IFFO2: variants seen among roughly 807,000 people sequenced by gnomAD.
IFFO2 encodes the protein intermediate filament family orphan 2.
IFFO2 carries 19 observed loss-of-function variants against 53.5 expected under a neutral mutation model. The ratio of observed to expected loss-of-function variants is 0.36; its 90% CI spans 0.25 to 0.52. IFFO2 has a LOEUF of 0.52. Ranked by LOEUF, IFFO2 falls within the 20% of genes least tolerant of loss-of-function variation. IFFO2 has a pLI of 0.94. For synonymous variants in IFFO2, 303 were observed against 313.6 expected (o/e 0.97, Z 0.36); for missense variants, 570 against 727.4 (o/e 0.78, Z 2.49).
At chr1:18,948,157 C>T (rs1936613574) in intron 1 of IFFO2, among the ~76,000 whole-genome samples, 1 of 152,248 alleles carries the variant, frequency 6.6e-6, no homozygotes, top group Non-Finnish European at 1.5e-5. Context: ...TAAACGGAAG[C>T]ATTAAGCCAT....
At chr1:18,910,320 C>G in intron 8 of IFFO2, 22 bp downstream of exon 8, 3 of 1,587,500 alleles carry the variant, frequency 1.9e-6, no homozygotes, top group Non-Finnish European at 2.6e-6. Context: ...TAGCTGAATC[C>G]CCTGGGAGGA....
At chr1:18,915,386 CTCTG>C (rs771511493) in intron 5 of IFFO2, among the ~76,000 whole-genome samples, 1 of 151,914 alleles carries the variant, frequency 6.6e-6, no homozygotes, top group Non-Finnish European at 1.5e-5. Context: ...TGATTGGTAG[CTCTG>C]ATTTCCTGCA....
At chr1:18,949,359 C>T (rs906124337) in intron 1 of IFFO2, among the ~76,000 whole-genome samples, 8 of 152,204 alleles carry the variant, frequency 5.3e-5, no homozygotes, top group African/African-American at 1.7e-4. Context: ...GTTACAACTC[C>T]GGGTGTGGGG....
chr1:18,954,067 G>C (rs1936692329), intron 1 of IFFO2, among the ~76,000 whole-genome samples: 1 of 152,216 alleles, frequency 6.6e-6, no homozygotes, highest in Non-Finnish European at 1.5e-5. Context: ...TGGCCTCCCT[G>C]TGGCAAGGCA....
At position 18,919,602 on chromosome 1, in the gene IFFO2, C is replaced by A; in HGVS notation, c.822+76G>T. The A allele has an allele frequency of 1.0e-6, 1 of 997,012 alleles. No individual in the cohort carries two copies. Among genetic ancestry groups the A allele is most frequent in the Non-Finnish European group, 1.6e-6 (1 of 642,356 alleles). The allele number at this position is 997,012 out of a possible 1,614,324, so 61.8% of individuals were successfully genotyped here. ...CTAACTAGAAGCCGAGCCCCGGAGCCTCGGAGGGAATGAAGCATTTTGCAT... is the reference window on the plus strand; with the variant it reads ...CTAACTAGAAGCCGAGCCCCGGAGCATCGGAGGGAATGAAGCATTTTGCAT... On this transcript the variant is annotated intron_variant, in intron 3 of 8. Transcript: ENST00000455833. The surrounding 1 kb of genome is among the most constrained non-coding windows in gnomAD (Gnocchi z 4.9).
rs1936446846 is a variant in IFFO2 at position 18,936,337 on chromosome 1, G to T, written c.666-15216C>A. 6.6e-6 allele frequency among the ~76,000 whole-genome samples: 1 copy of T among 152,170 alleles called. No homozygotes were observed. On this transcript the variant is annotated intron_variant, in intron 1 of 8. Transcript: ENST00000455833. This position sits in a 1 kb window ranked among gnomAD's most constrained non-coding sequence, Gnocchi z 4.5. ...GATGATGGGAAAGTTGGTGTCCACG[G>T]CTCTCCATCCCTGGGACATTGTCTT... is the stretch of plus-strand genomic sequence containing the variant.
Position 18,955,926 on chromosome 1 carries a change from T to C in IFFO2, c.407A>G (p.Asn136Ser). Reference sequence around the variant, plus strand: ...GGGCAGGCCGCCCAGGGCCACGGCATTGGCGTTGGCGCCGGCCGCCGCGCC... The same window carrying C: ...GGGCAGGCCGCCCAGGGCCACGGCACTGGCGTTGGCGCCGGCCGCCGCGCC... ...SSGAAAGANA[N>S]AVALGGLPPG... Residue 136 changes from asparagine to serine, a missense_variant, in exon 1 of 9, where the codon AAT (asparagine) becomes AGT (serine). Coordinates refer to ENST00000455833, the MANE Select transcript of IFFO2 (RefSeq NM_001136265.2). The C allele has an allele frequency of 7.8e-7, 1 of 1,281,982 alleles. No homozygotes were observed. Among genetic ancestry groups the C allele is most frequent in the Non-Finnish European group, 9.8e-7 (1 of 1,021,154 alleles). The allele number at this position is 1,281,982 out of a possible 1,614,324, so 79.4% of individuals were successfully genotyped here. A position where few individuals can be genotyped will look rare whatever the true frequency, so the allele number is the denominator to read the frequency against.
At chr1:18,945,846 C>T (rs566553168) in intron 1 of IFFO2, among the ~76,000 whole-genome samples, 6 of 152,344 alleles carry the variant, frequency 3.9e-5, no homozygotes, top group South Asian at 2.1e-4. Flanking sequence ...TTGCCATCCA[C>T]GCAACATGAC....
intron 5 of IFFO2, among the ~76,000 whole-genome samples, chr1:18,912,971 C>T (rs1936063065): frequency 6.6e-6 from 1 of 152,200 alleles, no homozygotes; most frequent in Non-Finnish European, 1.5e-5. Context: ...ATCCAACATA[C>T]CCCTATTTCC....
At position 18,916,489 on chromosome 1, in the gene IFFO2, T is replaced by C. The variant is rs1936134433; in HGVS notation, c.1103+414A>G. 6.6e-6 allele frequency among the ~76,000 whole-genome samples: 1 copy of C among 152,002 alleles called. No individual in the cohort carries two copies. Among genetic ancestry groups the C allele is most frequent in the Non-Finnish European group, 1.5e-5 (1 of 67,980 alleles). On this transcript the variant is annotated intron_variant, in intron 5 of 8. Transcript: ENST00000455833. This position sits in a 1 kb window ranked among gnomAD's most constrained non-coding sequence, Gnocchi z 4.3. ...AAATGTTGAAAATGAGTCTTGGCTG[T>C]GTGCAGTGGTTCACGCCTGTAATCC... is the stretch of plus-strand genomic sequence containing the variant.
intron 8 of IFFO2, 122 bp from the exon 9 acceptor site, chr1:18,908,788 G>T: frequency 1.4e-6 from 1 of 703,302 alleles, no homozygotes; most frequent in Non-Finnish European, 2.5e-6. Flanking sequence ...CTGGTCCTGA[G>T]CTCCTGCCTC....
intron 1 of IFFO2, among the ~76,000 whole-genome samples, chr1:18,952,735 T>A (rs1569870646): frequency 6.6e-6 from 1 of 152,176 alleles, no homozygotes; most frequent in South Asian, 2.1e-4. Context: ...ACATGAAGGA[T>A]CTTTTTGGGG....
intron 1 of IFFO2, among the ~76,000 whole-genome samples, chr1:18,950,047 T>C (rs1936640007): frequency 1.3e-5 from 2 of 152,216 alleles, no homozygotes; most frequent in Non-Finnish European, 2.9e-5. Context: ...TTCTGTAATA[T>C]AGTTCTCAAG....
intron 1 of IFFO2, among the ~76,000 whole-genome samples, chr1:18,948,058 T>A: frequency 6.6e-6 from 1 of 152,238 alleles, no homozygotes; most frequent in South Asian, 2.1e-4. Flanking sequence ...AAAATGAGCA[T>A]AATCACTTCC....
intron 5 of IFFO2, among the ~76,000 whole-genome samples, chr1:18,913,950 G>GCCTC (rs1936089949): frequency 6.6e-6 from 1 of 152,154 alleles, no homozygotes; most frequent in African/African-American, 2.4e-5. Context: ...TCCTGCCTCA[G>GCCTC]CCTCCTGCGT....
chr1:18,915,442 G>C (rs1308033003), intron 5 of IFFO2, among the ~76,000 whole-genome samples: 1 of 152,084 alleles, frequency 6.6e-6, no homozygotes, highest in East Asian at 1.9e-4. Context: ...ACTGAGCCTG[G>C]AGTGGGTATA....
intron 1 of IFFO2, among the ~76,000 whole-genome samples, chr1:18,939,061 T>C (rs533941604): frequency 5.0e-4 from 76 of 152,192 alleles, no homozygotes; most frequent in African/African-American, 1.8e-3. Flanking sequence ...TCCTCTCCCC[T>C]TGGAGGTGAG....
chr1:18,940,053 C>T (rs1310789741), intron 1 of IFFO2, among the ~76,000 whole-genome samples: 1 of 152,226 alleles, frequency 6.6e-6, no homozygotes, highest in Non-Finnish European at 1.5e-5. Context: ...AGCCAACCTG[C>T]TGTTCCAGAT....
In IFFO2 at chr1:18,908,480, TC is replaced by T; in HGVS notation, c.*80del. 1.3e-5 allele frequency: 14 copies of T among 1,054,670 alleles called. No individual in the cohort carries two copies. In the South Asian group the frequency reaches 1.6e-4, roughly 12 times the overall value. The allele number at this position is 1,054,670 out of a possible 1,614,324, so 65.3% of individuals were successfully genotyped here. ...TGTGTGGTGTGGCTTCGAACCCCAC[TC>T]CGAGGGGCCTTCCTGGCCCCATGAG... On this transcript the variant is annotated 3_prime_UTR_variant, in exon 9 of 9. Transcript: ENST00000455833.
Sources: gnomAD v4.1 joint callset for allele counts (sites outside exome capture counted in the v4.1 genomes callset) on GRCh38, gnomAD v4.1.1 for gene constraint, Gnocchi (gnomAD v3.1) non-coding constraint, MANE v1.5 for transcripts, NCBI Gene and HGNC (gene_info 2026-07-23, HGNC 2026-07-21) for gene names.